PLAGL2: variants seen among roughly 807,000 people sequenced by gnomAD.
The protein encoded by PLAGL2 is zinc finger protein PLAGL2.
In PLAGL2, 7 loss-of-function variants were observed where a neutral mutation model predicts 29.0. The ratio of observed to expected loss-of-function variants is 0.24; its 90% confidence interval spans 0.14 to 0.45. The LOEUF (loss-of-function observed/expected upper bound fraction) is 0.45, where lower values mean the gene tolerates loss of function less well. PLAGL2 is among the 20% of genes least tolerant of loss of function. PLAGL2 has a pLI of 0.99. For missense variants in PLAGL2, 454 were observed against 648.2 expected (o/e 0.70, Z 3.25); for synonymous variants, 234 against 266.0 (o/e 0.88, Z 1.17).
At position 32,194,389 on chromosome 20, in the gene PLAGL2, C is replaced by T. The variant is rs1349784336; in HGVS notation, c.*2063G>A. The T allele has an allele frequency of 6.6e-6, 1 of 152,350 alleles. No homozygotes were observed. Among genetic ancestry groups the T allele is most frequent in the African/African-American group, 2.4e-5 (1 of 41,438 alleles). The allele number at this position is 152,350 out of a possible 1,614,324, so 9.4% of individuals were successfully genotyped here. ...CAAGGTAGACACTTTTTAAAATAAACCTTAATTAGTCCCTGGGACTCACTG... is the reference window on the plus strand; with the variant it reads ...CAAGGTAGACACTTTTTAAAATAAATCTTAATTAGTCCCTGGGACTCACTG... On this transcript the variant is annotated 3_prime_UTR_variant, in exon 3 of 3. Transcript: ENST00000246229.
rs78758290 is a variant in PLAGL2, at chr20:32,196,581, T to C, written c.1362A>G (p.Gln454=). 6 of 1,543,924 alleles carry C rather than the reference T, an allele frequency of 3.9e-6. No homozygotes were observed. The highest frequency in any genetic ancestry group is 4.5e-5 in the East Asian group (2 of 44,510). The change falls in exon 3 of 3, where the codon CAA becomes CAG. Residue 454 remains glutamine, a synonymous_variant. Coordinates refer to ENST00000246229, the MANE Select transcript of PLAGL2 (RefSeq NM_002657.3). The part of the protein sequence containing the change: ...AEAQPLLTTL[Q]AQPQDSPGAG... The stretch of plus-strand genomic sequence containing the variant: ...CTCCTGGGGAATCTTGAGGCTGAGC[T>C]TGCAAAGTGGTAAGCAGGGGCTGTG...
intron 1 of PLAGL2, among the ~76,000 whole-genome samples, chr20:32,204,341 CG>C (rs920878638): frequency 1.1e-4 from 17 of 152,172 alleles, no homozygotes; most frequent in Non-Finnish European, 1.9e-4. Flanking sequence ...ACCTCCCACA[CG>C]TCCACCTCAT....
chr20:32,201,859 C>A, intron 2 of PLAGL2, 60 bp downstream of exon 2: 2 of 1,449,796 alleles, frequency 1.4e-6, no homozygotes, highest in Non-Finnish European at 1.9e-6. Context: ...TAGGCAGAGT[C>A]TCTCTGCTTT....
chr20:32,195,454 C>T lies in PLAGL2; in HGVS notation c.*998G>A, dbSNP rs2047222799. 1 of 152,692 alleles carries T rather than the reference C, an allele frequency of 6.5e-6. No individual in the cohort carries two copies. The highest frequency in any genetic ancestry group is 6.5e-5 in the Admixed American group (1 of 15,288). The allele number at this position is 152,692 out of a possible 1,614,324, so 9.5% of individuals were successfully genotyped here. The stretch of plus-strand genomic sequence containing the variant: ...ACGGACGTGGGCATGCCTTTCATTT[C>T]TTCCCCTCTCCAGTTCAAGAGAAGG... On this transcript the variant is annotated 3_prime_UTR_variant, in exon 3 of 3. Transcript: ENST00000246229.
Position 32,196,561 on chromosome 20 carries a change from G to A in PLAGL2, c.1382C>T (p.Pro461Leu), listed in dbSNP as rs1428765384. Residue 461 changes from proline (P) to leucine (L), a missense_variant, in exon 3 of 3, where the codon CCA becomes CTA. Physicochemically the swap from Pro to Leu is moderately conservative, Grantham distance 98. Around this residue, in one of 4 missense-constraint regions of PLAGL2, gnomAD observed 247 missense variants for 350.3 expected, o/e 0.71. Transcript: ENST00000246229. ...TTLQAQPQDSPGAGGPLNFGP... is the reference protein window; with the variant it reads ...TTLQAQPQDSLGAGGPLNFGP... ...AAAGTTCAGTGGTCCCCCAGCTCCT[G>A]GGGAATCTTGAGGCTGAGCTTGCAA... 6.5e-7 allele frequency: 1 copy of A among 1,544,000 alleles called. No individual in the cohort carries two copies. The highest frequency in any genetic ancestry group is 8.7e-7 in the Non-Finnish European group (1 of 1,150,314).
Position 32,200,602 on chromosome 20 carries a change from G to GT in PLAGL2, c.260+1316dup, listed in dbSNP as rs199611145. ...GATAAAATCAAAATTGCTCTTTTTT[G>GT]TTTTTTTTGAGACAGTCTTGCTCTG... On this transcript the variant is annotated intron_variant, in intron 2 of 2. Coordinates refer to ENST00000246229, the MANE Select transcript of PLAGL2 (RefSeq NM_002657.3). Among the ~76,000 whole-genome samples the GT allele has an allele frequency of 3.4e-3, 508 of 148,860 alleles. 3 individuals carry two copies. The highest frequency in any genetic ancestry group is 0.012 in the African/African-American group (482 of 40,422).
intron 1 of PLAGL2, among the ~76,000 whole-genome samples, chr20:32,206,954 A>C (rs1441379658): frequency 6.6e-6 from 1 of 152,154 alleles, no homozygotes; most frequent in Non-Finnish European, 1.5e-5. Context: ...AGGGATCCCC[A>C]CAAGAATGAA....
chr20:32,199,726 G>C (rs2047249225), intron 2 of PLAGL2, among the ~76,000 whole-genome samples: 1 of 152,112 alleles, frequency 6.6e-6, no homozygotes, highest in Non-Finnish European at 1.5e-5. Context: ...TGTGATCCTA[G>C]CTACTCAGGA....
At chr20:32,198,086 G>T (rs1018231967) in intron 2 of PLAGL2, among the ~76,000 whole-genome samples, 1 of 152,312 alleles carries the variant, frequency 6.6e-6, no homozygotes, top group Admixed American at 6.5e-5. Context: ...TGTAGACTAG[G>T]ACTCTATGTG....
chr20:32,199,824 T>C (rs2047249632), intron 2 of PLAGL2, among the ~76,000 whole-genome samples: 1 of 151,612 alleles, frequency 6.6e-6, no homozygotes, highest in Non-Finnish European at 1.5e-5. Flanking sequence ...TGGGCAAAAG[T>C]GAGACCCTGT....
At chr20:32,202,342 T>A (rs187370456) in intron 1 of PLAGL2, 50 bp from the exon 2 acceptor site, 5 of 653,068 alleles carry the variant, frequency 7.7e-6, no homozygotes, top group African/African-American at 1.8e-5. Context: ...CATGAGAACA[T>A]GGGCTCTGGA....
chr20:32,202,997 C>T (rs1340003600), intron 1 of PLAGL2, among the ~76,000 whole-genome samples: 1 of 152,200 alleles, frequency 6.6e-6, no homozygotes, highest in Non-Finnish European at 1.5e-5. Flanking sequence ...GGGCCCAGAC[C>T]ATCCCTCTTT....
Position 32,197,492 on chromosome 20 carries a change from C to T in PLAGL2, c.451G>A (p.Ala151Thr), listed in dbSNP as rs762048018. The change falls in exon 3 of 3, where the codon GCC becomes ACC. Residue 151 changes from alanine (A) to threonine (T), a missense_variant. This residue lies in a region of PLAGL2 where 111 missense variants were observed against 173.1 expected (regional missense o/e 0.64). Transcript: ENST00000246229. The surrounding 1 kb of genome is among the most constrained non-coding windows in gnomAD (Gnocchi z 6.6). ...TTGCAGCTGAGGTCACCGCTGCTGG[C>T]AGCATGCATGGCCAGGTGGCGCCGG... ...GYRRHLAMHAASSGDLSCKVC... is the reference protein window; with the variant it reads ...GYRRHLAMHATSSGDLSCKVC... The T allele has an allele frequency of 6.2e-7, 1 of 1,613,860 alleles. No individual in the cohort carries two copies. Among genetic ancestry groups the T allele is most frequent in the East Asian group, 2.2e-5 (1 of 44,888 alleles).
chr20:32,203,995 A>G (rs2047273131), intron 1 of PLAGL2, among the ~76,000 whole-genome samples: 1 of 152,166 alleles, frequency 6.6e-6, no homozygotes, highest in South Asian at 2.1e-4. Context: ...CTGCTTCACT[A>G]TAAACCTCAA....
chr20:32,201,922 T>C lies in PLAGL2; in HGVS notation c.257A>G (p.Tyr86Cys). Residue 86 changes from tyrosine (Y) to cysteine (C), a missense_variant, in exon 2 of 3, where the codon TAT (tyrosine) becomes TGT (cysteine). Transcript: ENST00000246229. ...GAGATATGAGAGTGTCACCTACCTA[T>C]ACAGCTTGTATTTGGAAGCAAAAGC... is the stretch of plus-strand genomic sequence containing the variant. Reference protein sequence around the residue: ...GKAFASKYKLYRHMATHSAQK... With the variant: ...GKAFASKYKLCRHMATHSAQK... The C allele has an allele frequency of 6.2e-7, 1 of 1,613,798 alleles. No homozygotes were observed. The highest frequency in any genetic ancestry group is 8.5e-7 in the Non-Finnish European group (1 of 1,179,714).
Position 32,195,688 on chromosome 20 carries a change from G to C in PLAGL2, c.*764C>G, listed in dbSNP as rs1359028100. ...ACCTCAAATGAAGAGAAGTCAGCAAGCCCCGACTCCACCTTGTAAACAGGA... is the reference window on the plus strand; with the variant it reads ...ACCTCAAATGAAGAGAAGTCAGCAACCCCCGACTCCACCTTGTAAACAGGA... On this transcript the variant is annotated 3_prime_UTR_variant, in exon 3 of 3. Coordinates refer to ENST00000246229, the MANE Select transcript of PLAGL2 (RefSeq NM_002657.3). The C allele has an allele frequency of 6.5e-6, 1 of 152,710 alleles. No homozygotes were observed. The highest frequency in any genetic ancestry group is 1.5e-5 in the Non-Finnish European group (1 of 68,098). The allele number at this position is 152,710 out of a possible 1,614,324, so 9.5% of individuals were successfully genotyped here. A position where few individuals can be genotyped will look rare whatever the true frequency, so the allele number is the denominator to read the frequency against.
intron 2 of PLAGL2, among the ~76,000 whole-genome samples, chr20:32,200,974 T>C (rs1390795163): frequency 6.6e-6 from 1 of 152,180 alleles, no homozygotes; most frequent in African/African-American, 2.4e-5. Context: ...ATGTCAGGGC[T>C]TTTACGTTTA....
chr20:32,200,521 C>T (rs6061219), intron 2 of PLAGL2, among the ~76,000 whole-genome samples: 1,809 of 151,808 alleles, frequency 0.012, 37 homozygotes, highest in African/African-American at 0.04. Context: ...CCACCGCACC[C>T]GGCTGATCTA....
Position 32,197,803 on chromosome 20 carries a change from G to T in PLAGL2, c.261-121C>A. ...GATATAAAAACCATGGTAAAGGCTT[G>T]CAATGCAATACCAAACCAGTTATAT... On this transcript the variant is annotated intron_variant, in intron 2 of 2. Transcript: ENST00000246229. The surrounding 1 kb of genome is among the most constrained non-coding windows in gnomAD (Gnocchi z 6.6). 1.3e-6 allele frequency: 1 copy of T among 748,812 alleles called. No homozygotes were observed. Among genetic ancestry groups the T allele is most frequent in the Non-Finnish European group, 2.2e-6 (1 of 456,912 alleles). 46.4% of individuals were successfully genotyped at this position (748,812 alleles called of 1,614,324 possible). A position where few individuals can be genotyped will look rare whatever the true frequency, so the allele number is the denominator to read the frequency against.
Sources: allele counts gnomAD v4.1 joint callset (sites outside exome capture counted in the v4.1 genomes callset), GRCh38; gene constraint gnomAD v4.1.1; regional missense constraint gnomAD v4.1.1; non-coding constraint Gnocchi (gnomAD v3.1); transcripts MANE v1.5; gene names NCBI Gene and HGNC (gene_info 2026-07-23, HGNC 2026-07-21).